LARP1B: variants seen among roughly 807,000 people sequenced by gnomAD.
LARP1B encodes La ribonucleoprotein 1B, also known as la-related protein 1B.
A neutral mutation model predicts 114.2 loss-of-function variants in LARP1B; 76 were observed. The ratio of observed to expected loss-of-function variants is 0.67; its 90% CI spans 0.55 to 0.81. LARP1B has a LOEUF of 0.81. Among genes scored for constraint, LARP1B ranks in the 30% least tolerant of loss-of-function variants. LARP1B has a pLI of 0.00. For synonymous variants in LARP1B, 345 were observed against 348.0 expected (o/e 0.99, Z 0.10); for missense variants, 1,014 against 1,075.8 (o/e 0.94, Z 0.80).
Position 128,082,267 on chromosome 4 carries a change from A to C in LARP1B, c.320A>C (p.Asn107Thr). 1 of 1,614,006 alleles carries C rather than the reference A, an allele frequency of 6.2e-7. No homozygotes were observed. Among genetic ancestry groups the C allele is most frequent in the Non-Finnish European group, 8.5e-7 (1 of 1,179,958 alleles). ...RNSSRCQPEANKPTHNNRRND... is the reference protein window; with the variant it reads ...RNSSRCQPEATKPTHNNRRND... ...AGCTCAAGATGTCAACCTGAAGCAA[A>C]TAAACCAACACATAACAATAGGAGA... Residue 107 changes from asparagine (N) to threonine (T), a missense_variant, in exon 5 of 20, where the codon AAT (asparagine) becomes ACT (threonine). Coordinates refer to ENST00000326639, the MANE Select transcript of LARP1B (RefSeq NM_018078.4).
chr4:128,069,460 G>C, intron 1 of LARP1B: 2 of 757,506 alleles, frequency 2.6e-6, no homozygotes, highest in Non-Finnish European at 4.8e-6. Flanking sequence ...ACATAAACTT[G>C]GTTGGCCTTG....
chr4:128,061,743 C>T (rs1034265250), intron 1 of LARP1B: 53 of 984,872 alleles, frequency 5.4e-5, no homozygotes, highest in Non-Finnish European at 6.1e-5. Context: ...GAGGATCCGC[C>T]CGCGGTGACT....
At chr4:128,131,358 G>A (rs1184025814) in intron 11 of LARP1B, among the ~76,000 whole-genome samples, 1 of 152,068 alleles carries the variant, frequency 6.6e-6, no homozygotes, top group Non-Finnish European at 1.5e-5. Context: ...AATCAAAGGA[G>A]GGAGGGGCAA....
chr4:128,202,013 A>C (rs1335944520), intron 17 of LARP1B, among the ~76,000 whole-genome samples: 3 of 152,154 alleles, frequency 2.0e-5, no homozygotes, highest in African/African-American at 4.8e-5. Flanking sequence ...AAATCACAAA[A>C]ATTTCTTTGT....
At position 128,211,582 on chromosome 4, in the gene LARP1B, G is replaced by C. The variant is rs1758990707; in HGVS notation, c.*1529G>C. The C allele has an allele frequency of 2.1e-6, 2 of 940,444 alleles. No homozygotes were observed. The highest frequency in any genetic ancestry group is 6.2e-5 in the Admixed American group (1 of 16,198). 58.3% of individuals were successfully genotyped at this position (940,444 alleles called of 1,614,324 possible). A position where few individuals can be genotyped will look rare whatever the true frequency, so the allele number is the denominator to read the frequency against. On this transcript the variant is annotated 3_prime_UTR_variant, in exon 20 of 20. Coordinates refer to ENST00000326639, the MANE Select transcript of LARP1B (RefSeq NM_018078.4). Reference sequence around the variant, plus strand: ...AATTTATTTAGATATATTGTAAAGAGGGTGCAAAACAAGCAATGGGTTAGA... The same window carrying C: ...AATTTATTTAGATATATTGTAAAGACGGTGCAAAACAAGCAATGGGTTAGA...
chr4:128,121,767 A>G, intron 10 of LARP1B, 59 bp from the exon 11 acceptor site: 1 of 1,218,344 alleles, frequency 8.2e-7, no homozygotes, highest in Non-Finnish European at 1.1e-6. Flanking sequence ...CTGTTTTATG[A>G]CATTTAATTT....
At chr4:128,075,062 T>TAAGTAAAATAAA in intron 3 of LARP1B, 69 bp downstream of exon 3, 1 of 1,033,822 alleles carries the variant, frequency 9.7e-7, no homozygotes, top group Non-Finnish European at 1.5e-6. Flanking sequence ...TGCAGAATTT[T>TAAGTAAAATAAA]ATTTTACTTA....
chr4:128,178,162 A>G (rs1472981732), intron 13 of LARP1B, among the ~76,000 whole-genome samples: 1 of 151,422 alleles, frequency 6.6e-6, no homozygotes, highest in Admixed American at 6.6e-5. Flanking sequence ...GAGAAGGGAA[A>G]GCAGGAGGGA....
intron 15 of LARP1B, 86 bp downstream of exon 15, chr4:128,179,598 A>T: frequency 2.5e-6 from 2 of 785,270 alleles, no homozygotes; most frequent in Non-Finnish European, 2.0e-6. Flanking sequence ...CAAAATATTT[A>T]AAAATTAATA....
In LARP1B at chr4:128,178,441, T is replaced by C. The variant is rs372093735; in HGVS notation, c.1695T>C (p.Asp565=). Residue 565 remains aspartate (D), a synonymous_variant, in exon 14 of 20, where the codon GAT becomes GAC. Coordinates refer to ENST00000326639, the MANE Select transcript of LARP1B (RefSeq NM_018078.4). Reference sequence around the variant, plus strand: ...TTTTTTATTTTGCAGATTTGACTGATGAATTAGCTCAGAAGTTATTTGATG... The same window carrying C: ...TTTTTTATTTTGCAGATTTGACTGACGAATTAGCTCAGAAGTTATTTGATG... ...VLHIPKKDLT[D]ELAQKLFDVS... 18 of 1,610,662 alleles carry C rather than the reference T, an allele frequency of 1.1e-5. No individual in the cohort carries two copies. The highest frequency in any genetic ancestry group is 1.5e-5 in the Non-Finnish European group (18 of 1,178,264).
At chr4:128,129,900 C>A (rs1791022162) in intron 11 of LARP1B, among the ~76,000 whole-genome samples, 1 of 151,908 alleles carries the variant, frequency 6.6e-6, no homozygotes, top group Non-Finnish European at 1.5e-5. Flanking sequence ...AAAGACAAAA[C>A]CATAAACGTC....
intron 12 of LARP1B, among the ~76,000 whole-genome samples, chr4:128,174,491 T>G (rs1318476190): frequency 6.6e-6 from 1 of 152,098 alleles, no homozygotes; most frequent in Non-Finnish European, 1.5e-5. Context: ...ATCAACATAC[T>G]CTATAGATGT....
At chr4:128,080,256 T>TA (rs1385693325) in intron 4 of LARP1B, among the ~76,000 whole-genome samples, 2 of 152,072 alleles carry the variant, frequency 1.3e-5, no homozygotes, top group Non-Finnish European at 2.9e-5. Flanking sequence ...GTGCTGGGAT[T>TA]ACAGGCGTGA....
chr4:128,098,068 T>C, intron 7 of LARP1B, 118 bp from the exon 8 acceptor site: 2 of 787,600 alleles, frequency 2.5e-6, no homozygotes, highest in Admixed American at 2.4e-5. Context: ...CTATACATAT[T>C]GTTAACCAAA....
chr4:128,075,364 A>G (rs1027978766), intron 3 of LARP1B, among the ~76,000 whole-genome samples: 3 of 152,120 alleles, frequency 2.0e-5, no homozygotes, highest in Admixed American at 1.3e-4. Context: ...TTGAGATTAC[A>G]GTATGAGCTA....
At chr4:128,138,059 G>A (rs999998550) in intron 11 of LARP1B, among the ~76,000 whole-genome samples, 3 of 152,052 alleles carry the variant, frequency 2.0e-5, no homozygotes, top group African/African-American at 7.2e-5. Context: ...ATCTGTTATA[G>A]CATTGATCTC....
chr4:128,140,368 CAT>C (rs1244957444), intron 11 of LARP1B, among the ~76,000 whole-genome samples: 1 of 152,146 alleles, frequency 6.6e-6, no homozygotes, highest in Admixed American at 6.6e-5. Context: ...TTGCCATACA[CAT>C]CTTTATGAAT....
intron 15 of LARP1B, among the ~76,000 whole-genome samples, chr4:128,181,888 C>T (rs1231833577): frequency 2.0e-5 from 3 of 148,214 alleles, no homozygotes; most frequent in African/African-American, 7.5e-5. Context: ...TCACTGCAAG[C>T]TCTGCCTCCT....
chr4:128,083,635 C>T (rs1413644296), intron 5 of LARP1B, among the ~76,000 whole-genome samples: 1 of 143,286 alleles, frequency 7.0e-6, no homozygotes, highest in Non-Finnish European at 1.5e-5. Context: ...ACCCCCCCAC[C>T]TCCCTCCCGG....
Sources: gnomAD v4.1 joint callset for allele counts (sites outside exome capture counted in the v4.1 genomes callset) on GRCh38, gnomAD v4.1.1 for gene constraint, MANE v1.5 for transcripts, NCBI Gene and HGNC (gene_info 2026-07-23, HGNC 2026-07-21) for gene names.